Variants in SAP30BP observed in about 807,000 individuals in gnomAD.
SAP30BP encodes SAP30-binding protein.
SAP30BP carries 31 observed loss-of-function variants against 46.3 expected under a neutral mutation model. That is an observed-to-expected ratio of 0.67 (90% CI 0.50 to 0.90). The LOEUF (loss-of-function observed/expected upper bound fraction) is 0.90. Ranked by LOEUF, SAP30BP falls within the 40% of genes least tolerant of loss-of-function variation. The pLI is 0.00. For synonymous variants in SAP30BP, 169 were observed against 144.2 expected (o/e 1.17, Z -1.23); for missense variants, 312 against 391.0 (o/e 0.80, Z 1.70).
At chr17:75,705,072 G>A (rs988538548) in intron 9 of SAP30BP, 5 of 473,388 alleles carry the variant, frequency 1.1e-5, no homozygotes, top group South Asian at 6.4e-5. Context: ...AGAGCCTTGG[G>A]GGGCTTTGTC....
chr17:75,704,923 A>G, intron 9 of SAP30BP, 109 bp downstream of exon 9: 2 of 848,730 alleles, frequency 2.4e-6, no homozygotes, highest in African/African-American at 1.7e-5. Context: ...GCCCCGTGTC[A>G]TCACCCGGCG....
chr17:75,681,844 C>T (rs2148387777), intron 3 of SAP30BP, among the ~76,000 whole-genome samples: 1 of 152,168 alleles, frequency 6.6e-6, no homozygotes, highest in Non-Finnish European at 1.5e-5. Flanking sequence ...GGGTTGCATT[C>T]CTCCTGATAT....
intron 2 of SAP30BP, among the ~76,000 whole-genome samples, chr17:75,669,222 T>G (rs1482175955): frequency 6.6e-6 from 1 of 151,858 alleles, no homozygotes; most frequent in Non-Finnish European, 1.5e-5. Context: ...GGACTACAGG[T>G]GGGCGCCACC....
At chr17:75,696,304 G>A (rs769396052) in intron 4 of SAP30BP, among the ~76,000 whole-genome samples, 15 of 151,986 alleles carry the variant, frequency 9.9e-5, no homozygotes, top group Admixed American at 2.0e-4. Flanking sequence ...GGAGGCTGAG[G>A]CGGGCAGATC....
chr17:75,679,316 C>T (rs1025931313), intron 3 of SAP30BP, among the ~76,000 whole-genome samples: 1 of 152,078 alleles, frequency 6.6e-6, no homozygotes, highest in Non-Finnish European at 1.5e-5. Context: ...TTGTAAGAAA[C>T]GACTTGTCAT....
chr17:75,668,281 CAG>C (rs1383508247), intron 1 of SAP30BP: 1 of 469,012 alleles, frequency 2.1e-6, no homozygotes, highest in Non-Finnish European at 3.7e-6. Context: ...GCATTAGAAA[CAG>C]AATTTAGTAC....
In SAP30BP at chr17:75,699,770, C is replaced by T; in HGVS notation, c.308-13C>T. ...ATCCCCACCTACAGAATTTTTCCTT[C>T]TTCTCTCAACAGCCTCCTTTTCTGA... On this transcript the variant is annotated splice_polypyrimidine_tract_variant and intron_variant, in intron 4 of 10. Transcript: ENST00000584667. 4.4e-6 allele frequency: 7 copies of T among 1,604,932 alleles called. No homozygotes were observed. The highest frequency in any genetic ancestry group is 6.0e-6 in the Non-Finnish European group (7 of 1,172,450).
intron 1 of SAP30BP, 87 bp downstream of exon 1, chr17:75,667,565 T>A (rs1423442517): frequency 3.2e-6 from 4 of 1,247,262 alleles, no homozygotes; most frequent in Non-Finnish European, 4.6e-6. Context: ...AACAAGATGG[T>A]CATTGTGCTC....
intron 8 of SAP30BP, 69 bp from the exon 9 acceptor site, chr17:75,704,687 C>A: frequency 8.7e-7 from 1 of 1,149,378 alleles, no homozygotes; most frequent in Non-Finnish European, 1.3e-6. Context: ...ACGCAGGGAT[C>A]AGAGTAGGCT....
intron 3 of SAP30BP, among the ~76,000 whole-genome samples, chr17:75,676,716 T>C (rs2059995474): frequency 6.6e-6 from 1 of 152,256 alleles, no homozygotes; most frequent in Non-Finnish European, 1.5e-5. Flanking sequence ...AGCTGCAGTC[T>C]GAATATATTA....
chr17:75,707,032 G>T lies in SAP30BP; in HGVS notation c.*511G>T, dbSNP rs2060507443. The T allele has an allele frequency of 5.9e-6, 1 of 170,474 alleles. No individual in the cohort carries two copies. The allele number at this position is 170,474 out of a possible 1,614,324, so 10.6% of individuals were successfully genotyped here. ...GATCCCAAAACCCAGCCAGTTCTCG[G>T]GTGATGGTGGAGCTGTGCTCCCTTG... On this transcript the variant is annotated 3_prime_UTR_variant, in exon 11 of 11. Coordinates refer to ENST00000584667, the MANE Select transcript of SAP30BP (RefSeq NM_013260.8).
At chr17:75,698,308 A>AT (rs1179696847) in intron 4 of SAP30BP, among the ~76,000 whole-genome samples, 1 of 152,204 alleles carries the variant, frequency 6.6e-6, no homozygotes, top group African/African-American at 2.4e-5. Context: ...TGATTGGTTT[A>AT]TTTTTAAAAG....
At chr17:75,702,383 G>C (rs1213007797) in intron 5 of SAP30BP, 97 bp from the exon 6 acceptor site, 2 of 563,960 alleles carry the variant, frequency 3.5e-6, no homozygotes, top group Admixed American at 5.3e-5. Flanking sequence ...GGAGCCTCAT[G>C]TTCATGCTGC....
intron 3 of SAP30BP, among the ~76,000 whole-genome samples, chr17:75,687,663 T>G (rs1222521943): frequency 6.6e-6 from 1 of 151,250 alleles, no homozygotes; most frequent in Non-Finnish European, 1.5e-5. Flanking sequence ...AACAAAGAAT[T>G]GGGTTTGAAA....
intron 9 of SAP30BP, chr17:75,705,749 C>T (rs1036129460): frequency 2.9e-5 from 24 of 836,252 alleles, no homozygotes; most frequent in Non-Finnish European, 3.4e-5. Context: ...GGGCGGTGGG[C>T]GGGGGGTGCC....
rs2060510982 is a variant in SAP30BP, at chr17:75,707,240, A to T, written c.*719A>T. 6.6e-6 allele frequency: 1 copy of T among 152,470 alleles called. No homozygotes were observed. The highest frequency in any genetic ancestry group is 1.5e-5 in the Non-Finnish European group (1 of 68,256). The allele number at this position is 152,470 out of a possible 1,614,324, so 9.4% of individuals were successfully genotyped here. Reference sequence around the variant, plus strand: ...GTGCCCGGTGAGCGCAGCCAGCAGGAGCTGAGCAGCGGGGGAGATGAATCA... The same window carrying T: ...GTGCCCGGTGAGCGCAGCCAGCAGGTGCTGAGCAGCGGGGGAGATGAATCA... On this transcript the variant is annotated 3_prime_UTR_variant, in exon 11 of 11. Coordinates refer to ENST00000584667, the MANE Select transcript of SAP30BP (RefSeq NM_013260.8).
intron 3 of SAP30BP, among the ~76,000 whole-genome samples, chr17:75,672,962 C>CAA (rs1019867351): frequency 8.5e-6 from 1 of 117,436 alleles, no homozygotes; most frequent in Non-Finnish European, 1.8e-5. Flanking sequence ...GAATCTGTCT[C>CAA]AAAAAAAAAA....
rs1046863308 is a variant in SAP30BP, at chr17:75,702,718, C to T, written c.488+147C>T. ...TACACTGAGTGCCTGCTGGACATGG[C>T]GGACTGTGCTAACCCAGCCAGAGGC... On this transcript the variant is annotated intron_variant, in intron 6 of 10. Coordinates refer to ENST00000584667, the MANE Select transcript of SAP30BP (RefSeq NM_013260.8). 38 of 500,838 alleles carry T rather than the reference C, an allele frequency of 7.6e-5. No individual in the cohort carries two copies. The East Asian group carries it at 1.1e-3, about 14-fold the overall frequency. The allele number at this position is 500,838 out of a possible 1,614,324, so 31.0% of individuals were successfully genotyped here. A position where few individuals can be genotyped will look rare whatever the true frequency, so the allele number is the denominator to read the frequency against.
At chr17:75,688,958 C>T (rs1369786782) in intron 3 of SAP30BP, among the ~76,000 whole-genome samples, 1 of 152,046 alleles carries the variant, frequency 6.6e-6, no homozygotes, top group Non-Finnish European at 1.5e-5. Context: ...CCCAGTGTGC[C>T]GCAGCCGCCT....
Sources: gnomAD v4.1 joint callset for allele counts (sites outside exome capture counted in the v4.1 genomes callset) on GRCh38, gnomAD v4.1.1 for gene constraint, MANE v1.5 for transcripts, NCBI Gene and HGNC (gene_info 2026-07-23, HGNC 2026-07-21) for gene names.